SPAG16: variants seen among roughly 807,000 people sequenced by gnomAD.
SPAG16 encodes sperm-associated antigen 16 protein.
Under a neutral mutation model 80.4 loss-of-function variants are expected in SPAG16, and 86 were observed. The ratio of observed to expected loss-of-function variants is 1.07; its 90% CI spans 0.90 to 1.28. The LOEUF (loss-of-function observed/expected upper bound fraction) is 1.28, where lower values mean the gene tolerates loss of function less well. Ranked by LOEUF, SPAG16 falls within the 50% of genes most tolerant of loss-of-function variation. The pLI, the probability that SPAG16 is intolerant of heterozygous loss-of-function variation, is 0.00. For synonymous variants in SPAG16, 294 were observed against 265.9 expected (o/e 1.11, Z -1.03); for missense variants, 870 against 765.3 (o/e 1.14, Z -1.61).
intron 15 of SPAG16, among the ~76,000 whole-genome samples, chr2:214,385,179 G>C (rs1490395962): frequency 6.6e-6 from 1 of 152,148 alleles, no homozygotes; most frequent in Non-Finnish European, 1.5e-5. Context: ...AAGACACCTG[G>C]GTACGGGTTC....
intron 12 of SPAG16, among the ~76,000 whole-genome samples, chr2:213,946,529 G>A (rs552990940): frequency 4.6e-5 from 7 of 152,202 alleles, no homozygotes; most frequent in East Asian, 1.9e-4. Context: ...TTTTGAATTC[G>A]TTTAAAACTA....
At chr2:213,727,965 C>T (rs918689973) in intron 10 of SPAG16, among the ~76,000 whole-genome samples, 2 of 152,068 alleles carry the variant, frequency 1.3e-5, no homozygotes, top group Non-Finnish European at 2.9e-5. Context: ...TCTTCTTCTT[C>T]AGCCTCCTGA....
intron 15 of SPAG16, among the ~76,000 whole-genome samples, chr2:214,186,849 C>T (rs2098582): frequency 0.81 from 122,893 of 152,044 alleles, 49,988 homozygotes; most frequent in East Asian, 0.87. Flanking sequence ...AACCTCTGCC[C>T]CCTGTGTTCA....
intron 10 of SPAG16, among the ~76,000 whole-genome samples, chr2:213,813,574 G>T (rs573884118): frequency 6.6e-6 from 1 of 152,168 alleles, no homozygotes; most frequent in Non-Finnish European, 1.5e-5. Context: ...TGGTCCAGGG[G>T]AAAGGTCTGC....
At position 213,904,985 on chromosome 2, in the gene SPAG16, G is replaced by T. The variant is rs148254005; in HGVS notation, c.1215-24975G>T. On this transcript the variant is annotated intron_variant, in intron 11 of 15. Transcript: ENST00000331683. ...AAGTGGCATAAAAAGGATTCTTCAGGTTTCTGTATTGAAAATAGATTATAG... is the reference window on the plus strand; with the variant it reads ...AAGTGGCATAAAAAGGATTCTTCAGTTTTCTGTATTGAAAATAGATTATAG... Among the ~76,000 whole-genome samples, 961 of 152,204 alleles carry T rather than the reference G, an allele frequency of 6.3e-3. 6 individuals carry two copies. The highest frequency in any genetic ancestry group is 0.012 in the Admixed American group (181 of 15,270).
intron 13 of SPAG16, among the ~76,000 whole-genome samples, chr2:214,064,014 C>T (rs1381949504): frequency 6.6e-6 from 1 of 152,096 alleles, no homozygotes. Context: ...GGATATTATG[C>T]TCTCATTCCA....
chr2:214,193,628 G>A (rs1205331742), intron 15 of SPAG16, among the ~76,000 whole-genome samples: 1 of 151,896 alleles, frequency 6.6e-6, no homozygotes, highest in African/African-American at 2.4e-5. Flanking sequence ...CGTCTGTCAT[G>A]GGTAGCTACC....
chr2:213,646,286 T>A (rs554327955), intron 10 of SPAG16, among the ~76,000 whole-genome samples: 1 of 151,930 alleles, frequency 6.6e-6, no homozygotes, highest in African/African-American at 2.4e-5. Context: ...GGTGTCCTTA[T>A]GGGGGCGGGG....
chr2:213,451,060 C>T (rs564596982), intron 9 of SPAG16, among the ~76,000 whole-genome samples: 1 of 152,210 alleles, frequency 6.6e-6, no homozygotes, highest in South Asian at 2.1e-4. Context: ...TTTGGTTTTA[C>T]TGCTTTTATG....
intron 15 of SPAG16, among the ~76,000 whole-genome samples, chr2:214,203,028 A>G (rs2058050692): frequency 6.6e-6 from 1 of 152,194 alleles, no homozygotes; most frequent in Admixed American, 6.5e-5. Context: ...TAGAATACCA[A>G]AACAGGTTTT....
In SPAG16 at chr2:213,426,836, T is replaced by TACACACACAC. The variant is rs199604984; in HGVS notation, c.942+51755_942+51764dup. 9.5e-3 allele frequency among the ~76,000 whole-genome samples: 1,189 copies of TACACACACAC among 125,738 alleles called. 8 individuals are homozygous for TACACACACAC. Among genetic ancestry groups the TACACACACAC allele is most frequent in the Middle Eastern group, 0.022 (5 of 226 alleles). The allele number at this position is 125,738 out of a possible 152,430, so 82.5% of individuals were successfully genotyped here. A position where few individuals can be genotyped will look rare whatever the true frequency, so the allele number is the denominator to read the frequency against. The stretch of plus-strand genomic sequence containing the variant: ...TTTTTCAAAAGATTATTCTGATACA[T>TACACACACAC]ACACACACACACACACACACACACA... On this transcript the variant is annotated intron_variant, in intron 9 of 15. Coordinates refer to ENST00000331683, the MANE Select transcript of SPAG16 (RefSeq NM_024532.5).
At chr2:214,043,871 A>G (rs1354547065) in intron 13 of SPAG16, among the ~76,000 whole-genome samples, 2 of 152,130 alleles carry the variant, frequency 1.3e-5, no homozygotes, top group African/African-American at 2.4e-5. Flanking sequence ...ATACACACTT[A>G]TATGTTCATG....
At chr2:213,873,999 T>G (rs915717497) in intron 11 of SPAG16, among the ~76,000 whole-genome samples, 1 of 152,128 alleles carries the variant, frequency 6.6e-6, no homozygotes, top group Non-Finnish European at 1.5e-5. Flanking sequence ...CTGAATACCA[T>G]ATACAATTGT....
intron 10 of SPAG16, among the ~76,000 whole-genome samples, chr2:213,565,915 GA>G (rs1188358160): frequency 6.6e-6 from 1 of 152,172 alleles, no homozygotes; most frequent in Non-Finnish European, 1.5e-5. Flanking sequence ...GGCAAGGGAG[GA>G]AAATACCAGT....
At chr2:213,833,468 T>TA (rs1379524096) in intron 10 of SPAG16, among the ~76,000 whole-genome samples, 1,309 of 23,748 alleles carry the variant, frequency 0.055, 441 homozygotes, top group South Asian at 0.091. Context: ...ATATATATTA[T>TA]ATATAATAAT....
intron 10 of SPAG16, among the ~76,000 whole-genome samples, chr2:213,682,934 G>A (rs537159391): frequency 6.6e-6 from 1 of 152,044 alleles, no homozygotes; most frequent in African/African-American, 2.4e-5. Context: ...CAACTGCTTA[G>A]AAAAAAATAA....
chr2:213,583,379 TTAAATA>T (rs1234099465), intron 10 of SPAG16, among the ~76,000 whole-genome samples: 7 of 152,220 alleles, frequency 4.6e-5, no homozygotes, highest in Non-Finnish European at 7.3e-5. Flanking sequence ...CAATTTTCCT[TTAAATA>T]GTCATTGTTA....
chr2:214,336,667 T>C (rs911190358), intron 15 of SPAG16, among the ~76,000 whole-genome samples: 1 of 152,018 alleles, frequency 6.6e-6, no homozygotes, highest in Non-Finnish European at 1.5e-5. Flanking sequence ...GACTATTCAA[T>C]ATTAGAAATA....
chr2:213,336,535 C>T (rs1251296360), intron 5 of SPAG16, among the ~76,000 whole-genome samples: 1 of 152,210 alleles, frequency 6.6e-6, no homozygotes, highest in Non-Finnish European at 1.5e-5. Context: ...TCCAGTTGGC[C>T]ATTGTCCCCT....
Sources: allele counts gnomAD v4.1 joint callset (sites outside exome capture counted in the v4.1 genomes callset), GRCh38; gene constraint gnomAD v4.1.1; transcripts MANE v1.5; gene names NCBI Gene and HGNC (gene_info 2026-07-23, HGNC 2026-07-21).